The following SYTL3 variants were observed in gnomAD, a reference collection of about 807,000 sequenced individuals.
SYTL3 encodes the protein synaptotagmin like 3, also known as synaptotagmin-like protein 3.
A neutral mutation model predicts 82.1 loss-of-function variants in SYTL3; 88 were observed. That is an observed-to-expected ratio of 1.07 (90% CI 0.90 to 1.28). The LOEUF (loss-of-function observed/expected upper bound fraction) is 1.28. SYTL3 is among the 50% of genes most tolerant of loss of function. SYTL3 has a pLI of 0.00. For synonymous variants in SYTL3, 311 were observed against 289.4 expected (o/e 1.07, Z -0.76); for missense variants, 831 against 757.6 (o/e 1.10, Z -1.14).
intron 13 of SYTL3, among the ~76,000 whole-genome samples, chr6:158,753,729 CAA>C (rs11419212): frequency 6.4e-5 from 7 of 109,740 alleles, no homozygotes; most frequent in African/African-American, 6.5e-5. Flanking sequence ...GACTCCGTCT[CAA>C]AAAAAAAAAA....
At chr6:158,751,697 C>T (rs932018567) in intron 12 of SYTL3, among the ~76,000 whole-genome samples, 1 of 152,186 alleles carries the variant, frequency 6.6e-6, no homozygotes, top group African/African-American at 2.4e-5. Flanking sequence ...AGGAATATTC[C>T]AGAGGGTTAT....
At chr6:158,647,869 C>T (rs1343340227), upstream of SYTL3, among the ~76,000 whole-genome samples, 2 of 152,248 alleles carry the variant, frequency 1.3e-5, no homozygotes, top group African/African-American at 2.4e-5. Context: ...GTGCAATCAC[C>T]TTTCTTTTCT....
At chr6:158,713,957 C>T (rs1239668408) in intron 9 of SYTL3, 79 bp downstream of exon 9, 3 of 1,018,522 alleles carry the variant, frequency 2.9e-6, no homozygotes, top group Non-Finnish European at 4.5e-6. Flanking sequence ...TGGCCGGTGA[C>T]CTCGGTTGAC....
intron 11 of SYTL3, among the ~76,000 whole-genome samples, 190 bp from the exon 12 acceptor site, chr6:158,745,290 A>G (rs994992349): frequency 9.6e-6 from 1 of 104,648 alleles, no homozygotes; most frequent in Admixed American, 8.2e-5. Flanking sequence ...CCTTCTGAGG[A>G]TTCTCTGTCT....
In SYTL3 at chr6:158,722,762, GTTTTTTTTT is replaced by G. The variant is rs34189391; in HGVS notation, c.721-2723_721-2715del. 1.6e-3 allele frequency among the ~76,000 whole-genome samples: 127 copies of G among 80,876 alleles called. 1 individual carries two copies. Among genetic ancestry groups the G allele is most frequent in the African/African-American group, 4.2e-3 (77 of 18,484 alleles). 53.1% of individuals were successfully genotyped at this position (80,876 alleles called of 152,430 possible). Reference sequence around the variant, plus strand: ...AGGAAAAAGATTTTCTCTCTTTTCTGTTTTTTTTTTTTTTTTTTTTTTTTTTAAGATGGA... The same window carrying G: ...AGGAAAAAGATTTTCTCTCTTTTCTGTTTTTTTTTTTTTTTTTAAGATGGA... On this transcript the variant is annotated intron_variant, in intron 10 of 17. Transcript: ENST00000611299.
intron 5 of SYTL3, among the ~76,000 whole-genome samples, chr6:158,670,926 C>A (rs946429605): frequency 6.6e-6 from 1 of 151,900 alleles, no homozygotes; most frequent in Non-Finnish European, 1.5e-5. Flanking sequence ...CCTCAGCCTC[C>A]CAAATAGCTG....
intron 6 of SYTL3, among the ~76,000 whole-genome samples, chr6:158,686,427 T>G (rs1442798527): frequency 6.6e-6 from 1 of 152,008 alleles, no homozygotes; most frequent in Non-Finnish European, 1.5e-5. Flanking sequence ...CCTGTTTCAG[T>G]AGAGTTGGGG....
chr6:158,699,221 C>T (rs1293955465), intron 6 of SYTL3, among the ~76,000 whole-genome samples: 1 of 152,162 alleles, frequency 6.6e-6, no homozygotes, highest in Admixed American at 6.6e-5. Context: ...GTGGGACATT[C>T]CAGGGAGTCT....
At chr6:158,743,883 T>A (rs1256115433) in intron 11 of SYTL3, among the ~76,000 whole-genome samples, 2 of 152,170 alleles carry the variant, frequency 1.3e-5, no homozygotes, top group African/African-American at 4.8e-5. Context: ...TCAGTTCAGG[T>A]TCCAGCCTGT....
upstream of SYTL3, among the ~76,000 whole-genome samples, chr6:158,646,641 T>C (rs1787485183): frequency 6.6e-6 from 1 of 152,200 alleles, no homozygotes; most frequent in South Asian, 2.1e-4. Context: ...GCCCTGGGTG[T>C]TCGGCCTGAG....
intron 5 of SYTL3, among the ~76,000 whole-genome samples, chr6:158,680,207 C>A (rs777481060): frequency 5.9e-5 from 9 of 152,178 alleles, no homozygotes; most frequent in Non-Finnish European, 1.2e-4. Flanking sequence ...GAATTTACCA[C>A]CCATGACTCC....
At chr6:158,667,791 A>G (rs369856161) in intron 5 of SYTL3, among the ~76,000 whole-genome samples, 2 of 152,196 alleles carry the variant, frequency 1.3e-5, no homozygotes, top group Non-Finnish European at 2.9e-5. Context: ...GCTGCAGAAC[A>G]AGAGGCCTGT....
At chr6:158,715,695 C>T (rs968570712) in intron 9 of SYTL3, among the ~76,000 whole-genome samples, 1 of 129,244 alleles carries the variant, frequency 7.7e-6, no homozygotes. Flanking sequence ...CCCCAGCTTT[C>T]TGGCTGCTGG....
intron 11 of SYTL3, among the ~76,000 whole-genome samples, chr6:158,737,229 A>T (rs1236581501): frequency 2.6e-5 from 4 of 152,162 alleles, no homozygotes; most frequent in African/African-American, 9.7e-5. Context: ...CATTTTACAG[A>T]TGAGGAAGCT....
intron 11 of SYTL3, among the ~76,000 whole-genome samples, chr6:158,745,232 C>A (rs148297609): frequency 8.8e-6 from 1 of 114,258 alleles, no homozygotes; most frequent in Admixed American, 7.9e-5. Flanking sequence ...AGAATGAGAT[C>A]GTGTAACATT....
intron 14 of SYTL3, among the ~76,000 whole-genome samples, chr6:158,757,652 T>G (rs1789314385): frequency 6.6e-6 from 1 of 152,206 alleles, no homozygotes; most frequent in Admixed American, 6.5e-5. Flanking sequence ...GTCCTGTGGC[T>G]TCCCCTGGCG....
intron 6 of SYTL3, among the ~76,000 whole-genome samples, chr6:158,702,326 C>CAA (rs1193990568): frequency 7.7e-4 from 54 of 70,576 alleles, no homozygotes; most frequent in East Asian, 1.9e-3. Context: ...GACTCTGTCT[C>CAA]AAAAAAAAAA....
At chr6:158,718,444 C>T in intron 10 of SYTL3, among the ~76,000 whole-genome samples, 1 of 152,230 alleles carries the variant, frequency 6.6e-6, no homozygotes, top group East Asian at 1.9e-4. Flanking sequence ...AGGCTTCCAC[C>T]TAATCACAAG....
rs10452576 is a variant in SYTL3 at position 158,706,841 on chromosome 6, T to G, written c.395-389T>G. Among the ~76,000 whole-genome samples the G allele has an allele frequency of 3.8e-4, 58 of 152,362 alleles. 1 individual carries two copies. Among genetic ancestry groups the G allele is most frequent in the African/African-American group, 1.4e-3 (57 of 41,596 alleles). On this transcript the variant is annotated intron_variant, in intron 6 of 17. Transcript: ENST00000611299. ...CACAAGGCAAGCTTACAGGAATAGA[T>G]TCATTCCATTATGAAATGTTTCCAA...
Sources: gnomAD v4.1 joint callset for allele counts (sites outside exome capture counted in the v4.1 genomes callset) on GRCh38, gnomAD v4.1.1 for gene constraint, MANE v1.5 for transcripts, NCBI Gene and HGNC (gene_info 2026-07-23, HGNC 2026-07-21) for gene names.